PLD1: variants seen among roughly 807,000 people sequenced by gnomAD.
The protein encoded by PLD1 is phospholipase D1.
In PLD1, 112 loss-of-function variants were observed where a neutral mutation model predicts 137.1. The ratio of observed to expected loss-of-function variants is 0.82; its 90% CI spans 0.70 to 0.96. PLD1 has a LOEUF of 0.96. Ranked by LOEUF, PLD1 falls within the 40% of genes least tolerant of loss-of-function variation. The probability of loss-of-function intolerance (pLI) is 0.00; values close to 1 mark genes in which losing one functional copy is unlikely to be tolerated. For synonymous variants in PLD1, 431 were observed against 454.7 expected (o/e 0.95, Z 0.66); for missense variants, 1,321 against 1,342.0 (o/e 0.98, Z 0.24).
At chr3:171,796,048 A>C (rs1458355806) in intron 1 of PLD1, among the ~76,000 whole-genome samples, 1 of 152,200 alleles carries the variant, frequency 6.6e-6, no homozygotes, top group Non-Finnish European at 1.5e-5. Flanking sequence ...TGTCTGAGAC[A>C]TTGGTCTCTC....
At position 171,745,858 on chromosome 3, in the gene PLD1, C is replaced by G. The variant is rs538392644; in HGVS notation, c.-31-7776G>C. On this transcript the variant is annotated intron_variant, in intron 1 of 26. Transcript: ENST00000351298. ...CTCTCTGGGCTGGCGGAGGCCAGAG[C>G]CAACTCCTTCTGCTTGCAGGGAGGT... 5.3e-5 allele frequency among the ~76,000 whole-genome samples: 8 copies of G among 152,196 alleles called. No individual in the cohort carries two copies. In the East Asian group the frequency reaches 1.4e-3, roughly 26 times the overall value.
intron 25 of PLD1, among the ~76,000 whole-genome samples, chr3:171,609,041 A>G (rs1732433545): frequency 6.6e-6 from 1 of 152,214 alleles, no homozygotes; most frequent in African/African-American, 2.4e-5. Context: ...TCATTAAAAG[A>G]AAGTTAAACA....
In PLD1 at chr3:171,600,860, T is replaced by G. The variant is rs570698151; in HGVS notation, c.*2218A>C. The stretch of plus-strand genomic sequence containing the variant: ...CATTAGCTCTCTCCTTCACCTTGTT[T>G]ATTAATTCTACAAGCATTTATTGCC... On this transcript the variant is annotated 3_prime_UTR_variant, in exon 27 of 27. Transcript: ENST00000351298. 7.9e-5 allele frequency: 12 copies of G among 152,332 alleles called. No homozygotes were observed. The highest frequency in any genetic ancestry group is 3.4e-3 in the Middle Eastern group (1 of 294). The allele number at this position is 152,332 out of a possible 1,614,324, so 9.4% of individuals were successfully genotyped here.
intron 8 of PLD1, among the ~76,000 whole-genome samples, chr3:171,722,260 T>C (rs1718183841): frequency 6.6e-6 from 1 of 152,208 alleles, no homozygotes; most frequent in Non-Finnish European, 1.5e-5. Context: ...GTTTTCTGTC[T>C]ATATTACGCT....
chr3:171,660,809 T>C (rs1170268922), intron 20 of PLD1, among the ~76,000 whole-genome samples: 1 of 152,060 alleles, frequency 6.6e-6, no homozygotes, highest in Non-Finnish European at 1.5e-5. Flanking sequence ...GGTTTCACCA[T>C]GTTGGCCAGG....
Position 171,709,587 on chromosome 3 carries a change from G to A in PLD1, c.1034C>T (p.Ala345Val). The change falls in exon 10 of 27, where the codon GCT (alanine) becomes GTT (valine). Residue 345 changes from alanine to valine, a missense_variant. Coordinates refer to ENST00000351298, the MANE Select transcript of PLD1 (RefSeq NM_002662.5). ...LKDHRFGSYA[A>V]IQENALAKWY... ...TTTAGCTAAAGCATTCTCTTGGATA[G>A]CAGCATATGACCCAAATCGATGATC... 1 of 1,613,950 alleles carries A rather than the reference G, an allele frequency of 6.2e-7. No homozygotes were observed. Among genetic ancestry groups the A allele is most frequent in the Non-Finnish European group, 8.5e-7 (1 of 1,179,870 alleles).
Position 171,748,822 on chromosome 3 carries a change from T to C in PLD1, c.-31-10740A>G, listed in dbSNP as rs570165179. ...AAAATGGAAGTAATATTGCGTGGCT[T>C]AGAGCTTGGGCTATACTAGATGCTA... On this transcript the variant is annotated intron_variant, in intron 1 of 26. Coordinates refer to ENST00000351298, the MANE Select transcript of PLD1 (RefSeq NM_002662.5). 2.7e-5 allele frequency among the ~76,000 whole-genome samples: 4 copies of C among 149,038 alleles called. 1 individual carries two copies. The East Asian group carries it at 7.8e-4, about 29-fold the overall frequency.
intron 1 of PLD1, among the ~76,000 whole-genome samples, chr3:171,802,929 C>A (rs1723703078): frequency 6.6e-6 from 1 of 152,198 alleles, no homozygotes; most frequent in South Asian, 2.1e-4. Context: ...CAAGAGCCCA[C>A]AAGAGGGGCC....
rs147317288 is a variant in PLD1, at chr3:171,747,225, C to T, written c.-31-9143G>A. ...TACCACAAGGGTCTGCGGCTTCATT[C>T]GTGAAGTCAGTGCAGACCAAGAACC... On this transcript the variant is annotated intron_variant, in intron 1 of 26. Transcript: ENST00000351298. Among the ~76,000 whole-genome samples the T allele has an allele frequency of 5.3e-4, 80 of 152,268 alleles. 1 individual carries two copies. The highest frequency in any genetic ancestry group is 1.7e-3 in the East Asian group (9 of 5,176).
At chr3:171,742,305 C>T (rs372353560) in intron 1 of PLD1, among the ~76,000 whole-genome samples, 13 of 152,078 alleles carry the variant, frequency 8.5e-5, no homozygotes, top group East Asian at 5.8e-4. Flanking sequence ...AGCTCAATGC[C>T]GCCTTGAACT....
At chr3:171,747,688 C>G (rs1286584919) in intron 1 of PLD1, among the ~76,000 whole-genome samples, 2 of 152,192 alleles carry the variant, frequency 1.3e-5, no homozygotes, top group African/African-American at 4.8e-5. Context: ...AGACTTGCAT[C>G]ATGTTTACTA....
intron 1 of PLD1, among the ~76,000 whole-genome samples, chr3:171,761,989 T>C (rs1336276981): frequency 6.6e-6 from 1 of 152,236 alleles, no homozygotes; most frequent in African/African-American, 2.4e-5. Flanking sequence ...TTGGACTCTA[T>C]CTTCTTATCA....
intron 1 of PLD1, chr3:171,793,078 T>G (rs1356042810): frequency 1.1e-5 from 2 of 190,076 alleles, no homozygotes; most frequent in East Asian, 3.4e-4. Context: ...AGACATCATT[T>G]GAACCCTCAT....
At chr3:171,604,133 G>GCCTGCC (rs1732020158) in intron 26 of PLD1, among the ~76,000 whole-genome samples, 1 of 152,002 alleles carries the variant, frequency 6.6e-6, no homozygotes, top group Non-Finnish European at 1.5e-5. Flanking sequence ...GAGGTCAGGA[G>GCCTGCC]TTCAAGACCA....
At chr3:171,759,445 A>G (rs1396613766) in intron 1 of PLD1, among the ~76,000 whole-genome samples, 1 of 152,256 alleles carries the variant, frequency 6.6e-6, no homozygotes, top group African/African-American at 2.4e-5. Flanking sequence ...GAGAAATTCT[A>G]TGGAATTTTC....
Position 171,602,564 on chromosome 3 carries a change from C to A in PLD1, c.*514G>T. ...TTGGGTGAATGTTACTACTTCAGGA[C>A]CAGATGAGCAGGGGCATCCCATGTA... is the stretch of plus-strand genomic sequence containing the variant. On this transcript the variant is annotated 3_prime_UTR_variant, in exon 27 of 27. Transcript: ENST00000351298. 1 of 165,226 alleles carries A rather than the reference C, an allele frequency of 6.1e-6. No homozygotes were observed. The highest frequency in any genetic ancestry group is 1.3e-5 in the Non-Finnish European group (1 of 75,422). 10.2% of individuals were successfully genotyped at this position (165,226 alleles called of 1,614,324 possible). A position where few individuals can be genotyped will look rare whatever the true frequency, so the allele number is the denominator to read the frequency against.
chr3:171,642,886 G>A lies in PLD1; in HGVS notation c.2547C>T (p.Thr849=), dbSNP rs762230796. The change falls in exon 23 of 27, where the codon ACC becomes ACT. Residue 849 remains threonine, a synonymous_variant. Transcript: ENST00000351298. ...LQAIMHFNYR[T]MCRGENSILG... ...GGATGGAATTTTCTCCTCTGCACAT[G>A]GTTCTGAAAATATGTAAAGGAGAAA... 40 of 1,572,048 alleles carry A rather than the reference G, an allele frequency of 2.5e-5. No homozygotes were observed. The highest frequency in any genetic ancestry group is 3.5e-5 in the Non-Finnish European group (40 of 1,147,376).
At chr3:171,753,617 C>T (rs957238560) in intron 1 of PLD1, among the ~76,000 whole-genome samples, 1 of 152,150 alleles carries the variant, frequency 6.6e-6, no homozygotes, top group South Asian at 2.1e-4. Context: ...ATGTCCCTCA[C>T]CTTATTTGTG....
chr3:171,670,828 T>G (rs575938460), intron 19 of PLD1, among the ~76,000 whole-genome samples: 1 of 152,346 alleles, frequency 6.6e-6, no homozygotes, highest in East Asian at 1.9e-4. Flanking sequence ...TTCTATTTAG[T>G]GATAAGTGTC....
Sources: allele counts gnomAD v4.1 joint callset (sites outside exome capture counted in the v4.1 genomes callset), GRCh38; gene constraint gnomAD v4.1.1; transcripts MANE v1.5; gene names NCBI Gene and HGNC (gene_info 2026-07-23, HGNC 2026-07-21).